Variants in PRKAR2B observed in about 807,000 individuals in gnomAD.
The protein encoded by PRKAR2B is cAMP-dependent protein kinase type II-beta regulatory subunit.
A neutral mutation model predicts 49.9 loss-of-function variants in PRKAR2B; 14 were observed. The ratio of observed to expected loss-of-function variants is 0.28; its 90% CI spans 0.19 to 0.44. PRKAR2B has a LOEUF of 0.44. Among genes scored for constraint, PRKAR2B ranks in the 20% least tolerant of loss-of-function variants. PRKAR2B has a pLI of 1.00. For synonymous variants in PRKAR2B, 196 were observed against 197.7 expected, an observed-to-expected ratio of 0.99 and a Z score of 0.07; for missense variants, 393 against 537.9, an observed-to-expected ratio of 0.73 and a Z score of 2.67.
At chr7:107,128,427 C>G (rs561246941) in intron 4 of PRKAR2B, 132 bp downstream of exon 4, 1 of 602,346 alleles carries the variant, frequency 1.7e-6, no homozygotes, top group Non-Finnish European at 2.9e-6. Flanking sequence ...GGCCCCCTTG[C>G]GGATGCTTGA....
At chr7:107,140,992 C>G (rs201558773) in intron 5 of PRKAR2B, 39 bp downstream of exon 5, 9 of 1,452,978 alleles carry the variant, frequency 6.2e-6, no homozygotes, top group East Asian at 2.3e-5. Context: ...ATTGAAAGAA[C>G]CTTTTGTGTA....
At chr7:107,127,814 G>A in intron 3 of PRKAR2B, among the ~76,000 whole-genome samples, 1 of 152,220 alleles carries the variant, frequency 6.6e-6, no homozygotes, top group East Asian at 1.9e-4. Context: ...GAAACAGAAT[G>A]ACAGCAGTCC....
intron 2 of PRKAR2B, among the ~76,000 whole-genome samples, chr7:107,085,441 A>G (rs866785317): frequency 7.1e-4 from 108 of 152,328 alleles, no homozygotes; most frequent in African/African-American, 2.5e-3. Flanking sequence ...AGTTGTGATT[A>G]GTATATGCAT....
At chr7:107,066,157 G>A (rs536293697) in intron 1 of PRKAR2B, among the ~76,000 whole-genome samples, 38 of 152,172 alleles carry the variant, frequency 2.5e-4, no homozygotes, top group Admixed American at 5.2e-4. Context: ...TTTCCTTGGG[G>A]ATTCACTAAG....
chr7:107,084,739 A>G (rs992916568), intron 2 of PRKAR2B, among the ~76,000 whole-genome samples: 32 of 148,618 alleles, frequency 2.2e-4, no homozygotes, highest in African/African-American at 2.5e-4. Flanking sequence ...TCCTGCCTCA[A>G]CCTCCCCAGT....
At chr7:107,115,078 G>A (rs939889246) in intron 2 of PRKAR2B, among the ~76,000 whole-genome samples, 4 of 151,976 alleles carry the variant, frequency 2.6e-5, no homozygotes, top group Non-Finnish European at 4.4e-5. Flanking sequence ...AAATTTTTTA[G>A]GAATAGTAAT....
intron 2 of PRKAR2B, among the ~76,000 whole-genome samples, chr7:107,088,659 G>C (rs930502386): frequency 6.6e-6 from 1 of 152,098 alleles, no homozygotes; most frequent in Non-Finnish European, 1.5e-5. Context: ...GAGTGCAGTG[G>C]TGTGATCTTG....
chr7:107,051,504 C>T (rs117440245), intron 1 of PRKAR2B, among the ~76,000 whole-genome samples: 1,550 of 152,164 alleles, frequency 0.01, 14 homozygotes, highest in South Asian at 0.031. Context: ...CTCTAAAAAC[C>T]TCACTATGAT....
At chr7:107,080,792 G>A (rs1794500095) in intron 2 of PRKAR2B, among the ~76,000 whole-genome samples, 1 of 152,196 alleles carries the variant, frequency 6.6e-6, no homozygotes, top group Non-Finnish European at 1.5e-5. Flanking sequence ...TGGATTTGGA[G>A]CTGTTTTTAA....
chr7:107,150,914 G>A lies in PRKAR2B; in HGVS notation c.742-8G>A, dbSNP rs375439641. The A allele has an allele frequency of 2.6e-6, 4 of 1,520,860 alleles. No individual in the cohort carries two copies. Among genetic ancestry groups the A allele is most frequent in the Non-Finnish European group, 3.6e-6 (4 of 1,108,456 alleles). 94.2% of individuals were successfully genotyped at this position (1,520,860 alleles called of 1,614,324 possible). A position where few individuals can be genotyped will look rare whatever the true frequency, so the allele number is the denominator to read the frequency against. ...ATAAAATTTACCCTTTAACTGTTCT[G>A]CCTGTAGGACAGGGTAACCTTCAGG... is the stretch of plus-strand genomic sequence containing the variant. On this transcript the variant is annotated splice_polypyrimidine_tract_variant and splice_region_variant and intron_variant, in intron 6 of 10. Coordinates refer to ENST00000265717, the MANE Select transcript of PRKAR2B (RefSeq NM_002736.3).
intron 2 of PRKAR2B, among the ~76,000 whole-genome samples, chr7:107,101,197 A>G (rs1794959473): frequency 1.6e-5 from 2 of 122,748 alleles, no homozygotes; most frequent in African/African-American, 6.5e-5. Context: ...TGTCTTTGCC[A>G]TGGTATGTGG....
intron 2 of PRKAR2B, among the ~76,000 whole-genome samples, chr7:107,073,379 C>G (rs1794323584): frequency 6.6e-6 from 1 of 152,168 alleles, no homozygotes; most frequent in African/African-American, 2.4e-5. Context: ...TGAAAGGAAT[C>G]AGTTTCACTC....
At chr7:107,132,369 T>C (rs949754634) in intron 4 of PRKAR2B, among the ~76,000 whole-genome samples, 2 of 152,206 alleles carry the variant, frequency 1.3e-5, no homozygotes, top group Admixed American at 6.5e-5. Context: ...TGAAGAGTTT[T>C]AGTCAGAGAA....
At chr7:107,115,343 A>T (rs1250784443) in intron 2 of PRKAR2B, among the ~76,000 whole-genome samples, 1 of 152,220 alleles carries the variant, frequency 6.6e-6, no homozygotes, top group Non-Finnish European at 1.5e-5. Flanking sequence ...CTGGGAATTA[A>T]ATATTCACTT....
chr7:107,136,997 A>C (rs1391000451), intron 4 of PRKAR2B, among the ~76,000 whole-genome samples: 2 of 152,216 alleles, frequency 1.3e-5, no homozygotes, highest in African/African-American at 2.4e-5. Context: ...AAGACATGGA[A>C]GACATGGAAG....
intron 2 of PRKAR2B, among the ~76,000 whole-genome samples, chr7:107,080,275 C>G (rs1216719293): frequency 6.6e-6 from 1 of 151,918 alleles, no homozygotes; most frequent in African/African-American, 2.4e-5. Flanking sequence ...GGAAGTGGTA[C>G]CGTCTAAGAG....
At chr7:107,142,483 T>C (rs143169429) in intron 5 of PRKAR2B, among the ~76,000 whole-genome samples, 194 of 152,332 alleles carry the variant, frequency 1.3e-3, no homozygotes, top group African/African-American at 4.5e-3. Context: ...CCCTCTATGA[T>C]CTTAACCATT....
At chr7:107,051,730 A>G (rs1373634385) in intron 1 of PRKAR2B, among the ~76,000 whole-genome samples, 1 of 152,190 alleles carries the variant, frequency 6.6e-6, no homozygotes, top group Non-Finnish European at 1.5e-5. Flanking sequence ...TGTGTAGCTT[A>G]ATATGTTTGG....
intron 2 of PRKAR2B, among the ~76,000 whole-genome samples, chr7:107,074,394 G>A (rs918130097): frequency 6.6e-6 from 1 of 152,062 alleles, no homozygotes; most frequent in Non-Finnish European, 1.5e-5. Context: ...GTGAGCCACT[G>A]CGCCCGGCCA....
Sources: allele counts gnomAD v4.1 joint callset (sites outside exome capture counted in the v4.1 genomes callset), GRCh38; gene constraint gnomAD v4.1.1; transcripts MANE v1.5; gene names NCBI Gene and HGNC (gene_info 2026-07-23, HGNC 2026-07-21).